ADAM19: variants seen among roughly 807,000 people sequenced by gnomAD.
ADAM19 encodes ADAM metallopeptidase domain 19.
Under a neutral mutation model 114.7 loss-of-function variants are expected in ADAM19, and 65 were observed. The observed-to-expected ratio is 0.57, with a 90% confidence interval of 0.46 to 0.70. The LOEUF (loss-of-function observed/expected upper bound fraction) is 0.70, where lower values mean the gene tolerates loss of function less well. Ranked by LOEUF, ADAM19 falls within the 30% of genes least tolerant of loss-of-function variation. The pLI, the probability that ADAM19 is intolerant of heterozygous loss-of-function variation, is 0.00. For synonymous variants in ADAM19, 466 were observed against 460.5 expected, an observed-to-expected ratio of 1.01 and a Z score of -0.15; for missense variants, 1,063 against 1,204.7, an observed-to-expected ratio of 0.88 and a Z score of 1.74.
chr5:157,481,789 A>G lies in ADAM19; in HGVS notation c.2703+2T>C. 1 of 1,569,506 alleles carries G rather than the reference A, an allele frequency of 6.4e-7. No individual in the cohort carries two copies. Among genetic ancestry groups the G allele is most frequent in the Non-Finnish European group, 8.7e-7 (1 of 1,155,976 alleles). On this transcript the variant is annotated splice_donor_variant, in intron 22 of 22. Transcript: ENST00000257527. LOFTEE classifies it high-confidence loss of function. Reference sequence around the variant, plus strand: ...CACCTTGAGGGCTTCCCGTGGACTCACCTTTGGGGCAAGTGCTGCCAGAGG... The same window carrying G: ...CACCTTGAGGGCTTCCCGTGGACTCGCCTTTGGGGCAAGTGCTGCCAGAGG...
At chr5:157,533,089 A>G (rs1198671583) in intron 4 of ADAM19, among the ~76,000 whole-genome samples, 9 of 152,176 alleles carry the variant, frequency 5.9e-5, no homozygotes, top group Admixed American at 1.3e-4. Flanking sequence ...AGCTGTGCCA[A>G]TGCTCCAGCA....
chr5:157,574,376 G>T (rs946091489), intron 1 of ADAM19, among the ~76,000 whole-genome samples: 15 of 152,266 alleles, frequency 9.9e-5, no homozygotes, highest in African/African-American at 3.6e-4. Context: ...CAGGCCTGGT[G>T]CTACCCTAGA....
intron 3 of ADAM19, among the ~76,000 whole-genome samples, chr5:157,557,360 T>C (rs552135232): frequency 3.2e-4 from 49 of 152,328 alleles, no homozygotes; most frequent in African/African-American, 1.2e-3. Context: ...GATTAGGATG[T>C]TTAAGGCTTG....
chr5:157,564,849 T>C (rs140489670), intron 2 of ADAM19, among the ~76,000 whole-genome samples: 54 of 152,346 alleles, frequency 3.5e-4, no homozygotes, highest in African/African-American at 1.1e-3. Context: ...TCATGTATGA[T>C]ACAGAGATAG....
intron 15 of ADAM19, among the ~76,000 whole-genome samples, chr5:157,494,259 GGATA>G (rs1313394635): frequency 4.2e-5 from 6 of 142,454 alleles, no homozygotes; most frequent in East Asian, 2.0e-4. Context: ...GTAGATGGAT[GGATA>G]GATGGATGGA....
intron 3 of ADAM19, among the ~76,000 whole-genome samples, chr5:157,560,262 C>A (rs1757476492): frequency 1.4e-5 from 1 of 72,616 alleles, no homozygotes; most frequent in South Asian, 5.6e-4. Flanking sequence ...GAGACTCCGT[C>A]TCAAAAAAAA....
intron 12 of ADAM19, among the ~76,000 whole-genome samples, chr5:157,502,544 A>G (rs771567016): frequency 1.1e-4 from 17 of 152,214 alleles, no homozygotes; most frequent in Non-Finnish European, 2.4e-4. Flanking sequence ...ATGCCACGTG[A>G]TCGTGGTTTC....
At chr5:157,530,682 TG>T in intron 5 of ADAM19, 124 bp downstream of exon 5, 1 of 735,536 alleles carries the variant, frequency 1.4e-6, no homozygotes, top group Non-Finnish European at 2.3e-6. Flanking sequence ...AGCCCCTCTC[TG>T]GGCTGGCTTG....
chr5:157,502,752 GA>G (rs756358441), intron 12 of ADAM19, 50 bp downstream of exon 12: 2 of 1,588,990 alleles, frequency 1.3e-6, no homozygotes, highest in East Asian at 4.5e-5. Context: ...CTTGAGTTTT[GA>G]AACCAATGCA....
Position 157,537,900 on chromosome 5 carries a change from G to T in ADAM19, c.330+13C>A. ...GACAGCTGCTGGATAGACATTTGTT[G>T]ACCTGAACTCACCTCCAATTTCCGT... On this transcript the variant is annotated intron_variant, in intron 4 of 22. Transcript: ENST00000257527. 6.2e-7 allele frequency: 1 copy of T among 1,609,866 alleles called. No individual in the cohort carries two copies. The highest frequency in any genetic ancestry group is 1.7e-5 in the Admixed American group (1 of 60,004).
chr5:157,513,513 G>A lies in ADAM19; in HGVS notation c.667-8C>T, dbSNP rs111856170. ...TCGTCGATTCTTCTGAAACTAAATG[G>A]GACAAGCAGAACCATGTGAGATCCC... On this transcript the variant is annotated splice_region_variant and splice_polypyrimidine_tract_variant and intron_variant, in intron 7 of 22. Transcript: ENST00000257527. 2 of 1,613,510 alleles carry A rather than the reference G, an allele frequency of 1.2e-6. No individual in the cohort carries two copies. The highest frequency in any genetic ancestry group is 1.7e-6 in the Non-Finnish European group (2 of 1,179,504).
chr5:157,483,637 A>AT (rs11376520), intron 21 of ADAM19, among the ~76,000 whole-genome samples: 62,905 of 144,886 alleles, frequency 0.43, 13,995 homozygotes, highest in East Asian at 0.75. Context: ...TGAACATTCC[A>AT]TTTTTTTTTT....
intron 18 of ADAM19, 148 bp downstream of exon 18, chr5:157,491,467 C>G: frequency 1.7e-6 from 1 of 589,294 alleles, no homozygotes; most frequent in Non-Finnish European, 2.8e-6. Flanking sequence ...TCGCTCCTCT[C>G]TCTTGGTCTG....
chr5:157,480,469 C>G lies in ADAM19; in HGVS notation c.*480G>C, dbSNP rs777683171. On this transcript the variant is annotated 3_prime_UTR_variant, in exon 23 of 23. Transcript: ENST00000257527. Reference sequence around the variant, plus strand: ...GGCTGGCTTGACCCTTCCTTAATCCCTAAAAGCTAAAAGGGGTGGGTAAGT... The same window carrying G: ...GGCTGGCTTGACCCTTCCTTAATCCGTAAAAGCTAAAAGGGGTGGGTAAGT... 1.7e-3 allele frequency: 1,716 copies of G among 990,972 alleles called. 2 individuals carry two copies. Among genetic ancestry groups the G allele is most frequent in the Non-Finnish European group, 2.0e-3 (1,663 of 833,638 alleles). The allele number at this position is 990,972 out of a possible 1,614,324, so 61.4% of individuals were successfully genotyped here.
chr5:157,499,334 A>G (rs1404744894), intron 13 of ADAM19, among the ~76,000 whole-genome samples: 1 of 152,194 alleles, frequency 6.6e-6, no homozygotes, highest in Non-Finnish European at 1.5e-5. Flanking sequence ...AAAAAGAAAA[A>G]AAAAAGTACC....
intron 22 of ADAM19, 50 bp downstream of exon 22, chr5:157,481,741 T>C: frequency 6.4e-7 from 1 of 1,552,950 alleles, no homozygotes; most frequent in Non-Finnish European, 8.7e-7. Flanking sequence ...CCTGCCCCCC[T>C]GGAGCCCTCT....
At chr5:157,516,557 CA>C (rs1033959791) in intron 7 of ADAM19, among the ~76,000 whole-genome samples, 36 of 152,262 alleles carry the variant, frequency 2.4e-4, no homozygotes, top group African/African-American at 8.4e-4. Context: ...CCTCTGAGAA[CA>C]ATGCAAGGCC....
At chr5:157,498,849 G>GT (rs951774221) in intron 13 of ADAM19, among the ~76,000 whole-genome samples, 4 of 152,172 alleles carry the variant, frequency 2.6e-5, no homozygotes, top group Admixed American at 2.6e-4. Context: ...CACTTTAGGA[G>GT]TGATTTTTTT....
At position 157,513,813 on chromosome 5, in the gene ADAM19, T is replaced by C. The variant is rs140751573; in HGVS notation, c.667-308A>G. On this transcript the variant is annotated intron_variant, in intron 7 of 22. Transcript: ENST00000257527. The stretch of plus-strand genomic sequence containing the variant: ...TTATTCTCCTGTCCTTCGAATTACA[T>C]GGCCTCTGGCAAACTCCCACTGGGG... 3.3e-3 allele frequency among the ~76,000 whole-genome samples: 496 copies of C among 152,336 alleles called. 1 individual carries two copies. Among genetic ancestry groups the C allele is most frequent in the African/African-American group, 0.01 (432 of 41,568 alleles).
Sources: gnomAD v4.1 joint callset for allele counts (sites outside exome capture counted in the v4.1 genomes callset) on GRCh38, gnomAD v4.1.1 for gene constraint, MANE v1.5 for transcripts, NCBI Gene and HGNC (gene_info 2026-07-23, HGNC 2026-07-21) for gene names.